Variants in CNTNAP2 observed in about 807,000 individuals in gnomAD.
CNTNAP2 encodes the protein contactin-associated protein-like 2.
Under a neutral mutation model 155.2 loss-of-function variants are expected in CNTNAP2, and 98 were observed. That is an observed-to-expected ratio of 0.63 (90% CI 0.54 to 0.75). The LOEUF (loss-of-function observed/expected upper bound fraction) is 0.75. Ranked by LOEUF, CNTNAP2 falls within the 30% of genes least tolerant of loss-of-function variation. CNTNAP2 has a pLI of 0.00. For missense variants in CNTNAP2, 1,727 were observed against 1,688.1 expected (o/e 1.02, Z -0.40); for synonymous variants, 651 against 631.2 (o/e 1.03, Z -0.47).
chr7:147,000,732 C>T (rs777044864), intron 3 of CNTNAP2, among the ~76,000 whole-genome samples: 5 of 152,044 alleles, frequency 3.3e-5, no homozygotes, highest in Admixed American at 2.0e-4. Context: ...ATAATTAGTG[C>T]GGTGCTAGGG....
At chr7:147,363,388 C>G (rs950501150) in intron 9 of CNTNAP2, among the ~76,000 whole-genome samples, 1 of 152,174 alleles carries the variant, frequency 6.6e-6, no homozygotes, top group African/African-American at 2.4e-5. Context: ...TTCTTCATAG[C>G]AGCTCAAACT....
Position 147,920,805 on chromosome 7 carries a change from C to CTTTTTTTTTTTTTTTTTTTTTT in CNTNAP2, c.2255+17085_2255+17106dup. Among the ~76,000 whole-genome samples, 2 of 100,650 alleles carry CTTTTTTTTTTTTTTTTTTTTTT rather than the reference C, an allele frequency of 2.0e-5. 1 individual carries two copies. The highest frequency in any genetic ancestry group is 7.6e-4 in the South Asian group (2 of 2,622). The allele number at this position is 100,650 out of a possible 152,430, so 66.0% of individuals were successfully genotyped here. A position where few individuals can be genotyped will look rare whatever the true frequency, so the allele number is the denominator to read the frequency against. ...TTCACGTATGTGCTTCTGCTCCTGT[C>CTTTTTTTTTTTTTTTTTTTTTT]TTTTTTTTTTTTTTTTTTTTTTGAG... On this transcript the variant is annotated intron_variant, in intron 14 of 23. Coordinates refer to ENST00000361727, the MANE Select transcript of CNTNAP2 (RefSeq NM_014141.6).
intron 3 of CNTNAP2, among the ~76,000 whole-genome samples, chr7:146,875,997 T>A (rs1795421808): frequency 1.6e-5 from 2 of 124,778 alleles, no homozygotes; most frequent in Non-Finnish European, 3.4e-5. Flanking sequence ...AACAAAAACA[T>A]CTTTTTGGGG....
intron 7 of CNTNAP2, among the ~76,000 whole-genome samples, chr7:147,130,242 T>C (rs898459828): frequency 2.0e-5 from 3 of 152,060 alleles, no homozygotes; most frequent in East Asian, 1.9e-4. Context: ...AGTGAGACCA[T>C]GTCTCTACAA....
chr7:147,716,378 C>T (rs555779032), intron 13 of CNTNAP2, among the ~76,000 whole-genome samples: 2 of 152,106 alleles, frequency 1.3e-5, no homozygotes, highest in East Asian at 3.9e-4. Context: ...ATGCCAGGGG[C>T]TTTATAGGTG....
chr7:146,911,866 T>C (rs1796290476), intron 3 of CNTNAP2, among the ~76,000 whole-genome samples: 1 of 152,190 alleles, frequency 6.6e-6, no homozygotes, highest in African/African-American at 2.4e-5. Context: ...ATAACCATTA[T>C]ATATAATACA....
At chr7:146,904,426 T>C (rs1388842996) in intron 3 of CNTNAP2, among the ~76,000 whole-genome samples, 1 of 152,148 alleles carries the variant, frequency 6.6e-6, no homozygotes, top group African/African-American at 2.4e-5. Flanking sequence ...ATGTCAGGTA[T>C]TTATTGAGAA....
At chr7:146,839,633 T>G in intron 2 of CNTNAP2, 78 bp from the exon 3 acceptor site, 1 of 1,468,826 alleles carries the variant, frequency 6.8e-7, no homozygotes. Flanking sequence ...AATTAAGATA[T>G]GTAGAATATT....
At chr7:147,758,844 C>CA (rs1563078866) in intron 13 of CNTNAP2, among the ~76,000 whole-genome samples, 2 of 151,924 alleles carry the variant, frequency 1.3e-5, no homozygotes, top group African/African-American at 4.8e-5. Flanking sequence ...GACACTGTCT[C>CA]AAAAAATAAG....
rs763561962 is a variant in CNTNAP2, at chr7:147,562,174, T to C, written c.1814T>C (p.Leu605Pro). ...YEPSCEAYKH[L>P]GQTSNYYWID... ...CCTTCCTGTGAAGCCTACAAACACC[T>C]AGGACAGACATCAAATTATTACTGG... is the stretch of plus-strand genomic sequence containing the variant. Residue 605 changes from leucine to proline, a missense_variant, in exon 12 of 24, where the codon CTA (leucine) becomes CCA (proline). By Grantham distance (98) the Leu-to-Pro change is moderately conservative (BLOSUM62 -3). Transcript: ENST00000361727. The C allele has an allele frequency of 1.2e-6, 2 of 1,614,032 alleles. No individual in the cohort carries two copies. The highest frequency in any genetic ancestry group is 1.7e-6 in the Non-Finnish European group (2 of 1,179,920).
intron 15 of CNTNAP2, among the ~76,000 whole-genome samples, chr7:147,997,912 C>T (rs890134732): frequency 6.6e-6 from 1 of 151,950 alleles, no homozygotes; most frequent in African/African-American, 2.4e-5. Context: ...TATTTTATAC[C>T]ATTATAATGA....
At position 148,331,748 on chromosome 7, in the gene CNTNAP2, GAAC is replaced by G. The variant is rs1563046031; in HGVS notation, c.3476-51900_3476-51898del. On this transcript the variant is annotated intron_variant, in intron 21 of 23. Coordinates refer to ENST00000361727, the MANE Select transcript of CNTNAP2 (RefSeq NM_014141.6). ...ATTGGATGGATGGAGTGGATGGATG[GAAC>G]GGACGGATGGATTGGATGGATGGAA... Among the ~76,000 whole-genome samples, 237 of 150,306 alleles carry G rather than the reference GAAC, an allele frequency of 1.6e-3. 7 individuals carry two copies. Among genetic ancestry groups the G allele is most frequent in the African/African-American group, 4.9e-3 (197 of 40,232 alleles).
intron 2 of CNTNAP2, among the ~76,000 whole-genome samples, chr7:146,826,487 A>G (rs562258995): frequency 6.6e-6 from 1 of 152,166 alleles, no homozygotes; most frequent in African/African-American, 2.4e-5. Context: ...CCCACCTCTC[A>G]TGGGGAACTA....
chr7:147,380,626 A>C (rs1796519486), intron 9 of CNTNAP2, among the ~76,000 whole-genome samples: 1 of 152,146 alleles, frequency 6.6e-6, no homozygotes, highest in South Asian at 2.1e-4. Flanking sequence ...CACGCTACAC[A>C]AAGCATTTCT....
chr7:146,424,745 TAC>T (rs1796063552), intron 1 of CNTNAP2, among the ~76,000 whole-genome samples: 1 of 152,152 alleles, frequency 6.6e-6, no homozygotes. Context: ...GTCTCAAGCT[TAC>T]TATGTTAATT....
At chr7:146,807,273 G>GTATT (rs1802985421) in intron 2 of CNTNAP2, among the ~76,000 whole-genome samples, 1 of 151,912 alleles carries the variant, frequency 6.6e-6, no homozygotes, top group Non-Finnish European at 1.5e-5. Flanking sequence ...ATTTGTAATG[G>GTATT]TATTGTCTTA....
At chr7:147,022,754 G>T (rs1018425726) in intron 3 of CNTNAP2, among the ~76,000 whole-genome samples, 8 of 151,586 alleles carry the variant, frequency 5.3e-5, no homozygotes, top group Non-Finnish European at 1.2e-4. Flanking sequence ...ATCCCAATTC[G>T]AATATCATTC....
At chr7:146,162,007 T>C (rs575256769) in intron 1 of CNTNAP2, among the ~76,000 whole-genome samples, 2 of 152,188 alleles carry the variant, frequency 1.3e-5, no homozygotes, top group African/African-American at 2.4e-5. Flanking sequence ...ATACAAAAAT[T>C]AATTCAAGAT....
chr7:146,203,810 T>A (rs1335520754), intron 1 of CNTNAP2, among the ~76,000 whole-genome samples: 1 of 152,086 alleles, frequency 6.6e-6, no homozygotes, highest in East Asian at 1.9e-4. Context: ...ACTTTGAAGA[T>A]TCCAAGGATT....
Sources: allele counts gnomAD v4.1 joint callset (sites outside exome capture counted in the v4.1 genomes callset), GRCh38; gene constraint gnomAD v4.1.1; transcripts MANE v1.5; gene names NCBI Gene and HGNC (gene_info 2026-07-23, HGNC 2026-07-21).